IGFL2: variants seen among roughly 807,000 people sequenced by gnomAD.
IGFL2 encodes IGF like family member 2, also known as insulin growth factor-like family member 2.
IGFL2 carries 7 observed loss-of-function variants against 13.9 expected under a neutral mutation model. The ratio of observed to expected loss-of-function variants is 0.51; its 90% CI spans 0.29 to 0.95. IGFL2 has a LOEUF of 0.95. Among genes scored for constraint, IGFL2 ranks in the 40% least tolerant of loss-of-function variants. The pLI is 0.08. For missense variants in IGFL2, 138 were observed against 147.8 expected (o/e 0.93, Z 0.34); for synonymous variants, 55 against 55.8 (o/e 0.99, Z 0.07).
the IGFL2 span, among the ~76,000 whole-genome samples, chr19:46,110,675 T>C: frequency 3.3e-5 from 5 of 152,218 alleles, no homozygotes; most frequent in Non-Finnish European, 5.9e-5. Flanking sequence ...GTTCAATGTT[T>C]ACTGTAGGTG....
At chr19:46,151,794 C>T (rs966934784) in intron 1 of IGFL2, among the ~76,000 whole-genome samples, 1 of 152,118 alleles carries the variant, frequency 6.6e-6, no homozygotes, top group Non-Finnish European at 1.5e-5. Flanking sequence ...CGTCTGTAGT[C>T]CCAGCTACTT....
chr19:46,149,739 A>T (rs545394475), intron 1 of IGFL2, among the ~76,000 whole-genome samples: 2 of 152,336 alleles, frequency 1.3e-5, no homozygotes, highest in Admixed American at 6.5e-5. Flanking sequence ...AATAAATTCA[A>T]TTGTATCCAT....
chr19:46,140,799 T>C (rs401891), upstream of IGFL2, among the ~76,000 whole-genome samples: 1 of 152,044 alleles, frequency 6.6e-6, no homozygotes, highest in Non-Finnish European at 1.5e-5. Flanking sequence ...AGGCTCAGGG[T>C]GGAGCAGTCT....
At chr19:46,115,648 C>T in the IGFL2 span, among the ~76,000 whole-genome samples, 40 of 152,038 alleles carry the variant, frequency 2.6e-4, no homozygotes, top group Admixed American at 2.4e-3. Context: ...TTTCACTACC[C>T]GACTCTCTGT....
the IGFL2 span, among the ~76,000 whole-genome samples, chr19:46,108,100 C>G: frequency 6.6e-6 from 1 of 150,448 alleles, no homozygotes; most frequent in South Asian, 2.1e-4. Context: ...GAGTGGAGGC[C>G]GAGGAAGAAT....
chr19:46,186,680 G>A, the IGFL2 span, among the ~76,000 whole-genome samples: 31 of 152,342 alleles, frequency 2.0e-4, 1 homozygote, highest in South Asian at 3.3e-3. Flanking sequence ...ATTACAAGAA[G>A]GAAGGCTTTT....
chr19:46,136,594 A>G, the IGFL2 span, among the ~76,000 whole-genome samples: 1 of 152,204 alleles, frequency 6.6e-6, no homozygotes, highest in African/African-American at 2.4e-5. Context: ...GAATGACTGT[A>G]TTCCATTGAA....
chr19:46,108,357 A>T, the IGFL2 span, among the ~76,000 whole-genome samples: 9 of 152,218 alleles, frequency 5.9e-5, no homozygotes, highest in Admixed American at 3.9e-4. Flanking sequence ...AAAATTATCT[A>T]GGTCTTGTAG....
chr19:46,124,549 G>A, the IGFL2 span: 1 of 1,353,024 alleles, frequency 7.4e-7, no homozygotes, highest in African/African-American at 1.5e-5. Flanking sequence ...AGATAAAGAG[G>A]AATAAATCGG....
chr19:46,189,794 A>G, the IGFL2 span: 2 of 152,192 alleles, frequency 1.3e-5, no homozygotes, highest in African/African-American at 4.8e-5. Flanking sequence ...CAGACTAATG[A>G]TTAGTAATAT....
chr19:46,132,945 G>A, the IGFL2 span, among the ~76,000 whole-genome samples: 5 of 152,100 alleles, frequency 3.3e-5, no homozygotes, highest in Non-Finnish European at 7.3e-5. Context: ...GATTAGGAGA[G>A]GAGAGACAAG....
the IGFL2 span, among the ~76,000 whole-genome samples, chr19:46,177,936 A>G: frequency 6.6e-6 from 1 of 152,170 alleles, no homozygotes; most frequent in Non-Finnish European, 1.5e-5. Context: ...CTTGTGTTCA[A>G]TCCCTTCCCT....
the IGFL2 span, chr19:46,195,019 C>CTT: frequency 0.014 from 1,885 of 135,260 alleles, 27 homozygotes; most frequent in Non-Finnish European, 0.02. Context: ...CTGACCAAGA[C>CTT]TTTTTTTTTT....
chr19:46,188,579 C>T, the IGFL2 span, among the ~76,000 whole-genome samples: 1 of 152,170 alleles, frequency 6.6e-6, no homozygotes, highest in Non-Finnish European at 1.5e-5. Flanking sequence ...CAATAGACCT[C>T]CTGGGTCTTT....
chr19:46,199,426 T>C, the IGFL2 span, among the ~76,000 whole-genome samples: 2 of 152,212 alleles, frequency 1.3e-5, no homozygotes, highest in South Asian at 4.1e-4. Flanking sequence ...TTGGATAGGG[T>C]TGGGGACTCC....
the IGFL2 span, chr19:46,124,800 T>A: frequency 1.4e-6 from 1 of 702,264 alleles, no homozygotes; most frequent in Non-Finnish European, 2.6e-6. Context: ...AGCACATTCC[T>A]TGAAGATAAC....
At chr19:46,146,431 C>T (rs191188914), upstream of IGFL2, among the ~76,000 whole-genome samples, 298 of 152,184 alleles carry the variant, frequency 2.0e-3, 2 homozygotes, top group African/African-American at 5.2e-3. Flanking sequence ...TTGTGTTGGC[C>T]ATTCTAGTTT....
chr19:46,198,901 C>T, the IGFL2 span, among the ~76,000 whole-genome samples: 1 of 152,194 alleles, frequency 6.6e-6, no homozygotes, highest in Non-Finnish European at 1.5e-5. Flanking sequence ...CACAAAGATG[C>T]CAGGTGGAAG....
chr19:46,206,933 A>G, the IGFL2 span: 4 of 152,178 alleles, frequency 2.6e-5, no homozygotes, highest in Admixed American at 1.3e-4. Context: ...TTTCTGCTCC[A>G]TCAGCTTCCT....
Sources: gnomAD v4.1 joint callset for allele counts (sites outside exome capture counted in the v4.1 genomes callset) on GRCh38, gnomAD v4.1.1 for gene constraint, MANE v1.5 for transcripts, NCBI Gene and HGNC (gene_info 2026-07-23, HGNC 2026-07-21) for gene names.